The following TBC1D5 variants were observed in gnomAD, a reference collection of about 807,000 sequenced individuals.
TBC1D5 encodes TBC1 domain family, member 5.
Under a neutral mutation model 100.3 loss-of-function variants are expected in TBC1D5, and 75 were observed. The ratio of observed to expected loss-of-function variants is 0.75; its 90% CI spans 0.62 to 0.91. The LOEUF is 0.91. TBC1D5 is among the 40% of genes least tolerant of loss of function. The probability of loss-of-function intolerance (pLI) is 0.00; values close to 1 mark genes in which losing one functional copy is unlikely to be tolerated. For synonymous variants in TBC1D5, 323 were observed against 325.6 expected (o/e 0.99, Z 0.09); for missense variants, 910 against 942.4 (o/e 0.97, Z 0.45).
chr3:17,462,083 T>G (rs931949854), intron 3 of TBC1D5, among the ~76,000 whole-genome samples: 4 of 152,080 alleles, frequency 2.6e-5, no homozygotes, highest in South Asian at 2.1e-4. Flanking sequence ...TTTAAAAAAT[T>G]TACTTATTTT....
intron 2 of TBC1D5, among the ~76,000 whole-genome samples, chr3:17,597,619 T>C (rs1391093946): frequency 1.3e-5 from 2 of 152,200 alleles, no homozygotes; most frequent in Non-Finnish European, 2.9e-5. Flanking sequence ...AGTAATGACA[T>C]AAGTCTGTCC....
At chr3:17,244,210 C>T (rs2076540682) in intron 16 of TBC1D5, among the ~76,000 whole-genome samples, 1 of 152,172 alleles carries the variant, frequency 6.6e-6, no homozygotes, top group African/African-American at 2.4e-5. Context: ...TCTTTAGATA[C>T]ACAGCCTAGT....
intron 1 of TBC1D5, chr3:17,665,134 C>T (rs1022397431): frequency 3.4e-5 from 5 of 148,212 alleles, no homozygotes; most frequent in Non-Finnish European, 5.9e-5. Context: ...CATGGTCTTT[C>T]TAGCTGTCAA....
At chr3:17,601,056 A>G (rs2060904051) in intron 2 of TBC1D5, among the ~76,000 whole-genome samples, 2 of 152,230 alleles carry the variant, frequency 1.3e-5, no homozygotes, top group Non-Finnish European at 2.9e-5. Flanking sequence ...ATAAGTGAAT[A>G]AATTCTGGGC....
intron 14 of TBC1D5, among the ~76,000 whole-genome samples, chr3:17,297,752 CTTT>C (rs78233692): frequency 3.6e-5 from 5 of 140,108 alleles, no homozygotes; most frequent in Admixed American, 7.2e-5. Flanking sequence ...CTGGCTAATT[CTTT>C]TTTTTTTTTT....
intron 18 of TBC1D5, among the ~76,000 whole-genome samples, chr3:17,204,577 T>C (rs1224215908): frequency 6.6e-6 from 1 of 152,140 alleles, no homozygotes; most frequent in Non-Finnish European, 1.5e-5. Flanking sequence ...TTGCATTTTA[T>C]ATAGAGGATG....
At chr3:17,218,604 A>AATACTC (rs1273021121) in intron 17 of TBC1D5, among the ~76,000 whole-genome samples, 2 of 151,924 alleles carry the variant, frequency 1.3e-5, no homozygotes, top group African/African-American at 2.4e-5. Flanking sequence ...ACTAGTATTG[A>AATACTC]ATACTCTCAG....
chr3:17,360,429 T>C (rs1010070125), intron 13 of TBC1D5, among the ~76,000 whole-genome samples: 2 of 152,084 alleles, frequency 1.3e-5, no homozygotes, highest in African/African-American at 2.4e-5. Context: ...TTGTTTAAGA[T>C]ATACAACCAA....
At chr3:17,693,815 G>C (rs546568583) in intron 1 of TBC1D5, among the ~76,000 whole-genome samples, 2 of 152,334 alleles carry the variant, frequency 1.3e-5, no homozygotes, top group Admixed American at 1.3e-4. Flanking sequence ...CAAACTGGGA[G>C]ACACCTACCA....
At chr3:17,372,325 C>T in intron 12 of TBC1D5, 78 bp from the exon 13 acceptor site, 2 of 1,317,792 alleles carry the variant, frequency 1.5e-6, no homozygotes, top group Non-Finnish European at 2.0e-6. Flanking sequence ...TTATCAATGA[C>T]AGTTTAAACA....
intron 15 of TBC1D5, among the ~76,000 whole-genome samples, chr3:17,281,197 G>A (rs1162204416): frequency 6.6e-6 from 1 of 152,232 alleles, no homozygotes; most frequent in Non-Finnish European, 1.5e-5. Context: ...ACTTCTGAAA[G>A]ATGGTTCCAC....
intron 2 of TBC1D5, among the ~76,000 whole-genome samples, chr3:17,566,573 T>C (rs1047250876): frequency 1.3e-5 from 2 of 151,850 alleles, no homozygotes; most frequent in Non-Finnish European, 2.9e-5. Context: ...TAATAAATAG[T>C]AACACAAACC....
chr3:17,636,863 C>G (rs1264558519), intron 1 of TBC1D5, among the ~76,000 whole-genome samples: 1 of 151,814 alleles, frequency 6.6e-6, no homozygotes. Context: ...ACCTTACCAA[C>G]AAACTCAAAA....
chr3:17,547,180 A>C (rs934080894), intron 2 of TBC1D5: 1 of 152,232 alleles, frequency 6.6e-6, no homozygotes, highest in African/African-American at 2.4e-5. Context: ...TTAACGTAAG[A>C]TATTAGAATC....
intron 3 of TBC1D5, among the ~76,000 whole-genome samples, chr3:17,434,951 C>T (rs986295177): frequency 2.6e-5 from 4 of 152,166 alleles, no homozygotes; most frequent in African/African-American, 7.2e-5. Flanking sequence ...AAAGTTTCAC[C>T]GATCACTAGG....
chr3:17,540,162 G>A (rs1031303766), intron 2 of TBC1D5, among the ~76,000 whole-genome samples: 1 of 152,168 alleles, frequency 6.6e-6, no homozygotes, highest in Non-Finnish European at 1.5e-5. Flanking sequence ...GTTTTTCCAA[G>A]TCACCCATTT....
intron 1 of TBC1D5, among the ~76,000 whole-genome samples, chr3:17,721,492 G>A (rs894649275): frequency 2.6e-5 from 4 of 151,308 alleles, no homozygotes; most frequent in African/African-American, 9.7e-5. Context: ...TGTGTGTTGT[G>A]GCTGGCAATC....
intron 2 of TBC1D5, among the ~76,000 whole-genome samples, chr3:17,617,035 C>CAA (rs2062228086): frequency 2.0e-5 from 3 of 152,128 alleles, no homozygotes; most frequent in Non-Finnish European, 4.4e-5. Context: ...ATCGTTGTTT[C>CAA]TTTCCATGTT....
chr3:17,700,593 T>G (rs2073008159), intron 1 of TBC1D5, among the ~76,000 whole-genome samples: 1 of 152,136 alleles, frequency 6.6e-6, no homozygotes, highest in African/African-American at 2.4e-5. Flanking sequence ...GACAAAGAGC[T>G]AATATCCAGA....
Sources: allele counts gnomAD v4.1 joint callset (sites outside exome capture counted in the v4.1 genomes callset), GRCh38; gene constraint gnomAD v4.1.1; transcripts MANE v1.5; gene names NCBI Gene and HGNC (gene_info 2026-07-23, HGNC 2026-07-21).